The following TNNI3K variants were observed in gnomAD, a reference collection of about 807,000 sequenced individuals.
TNNI3K encodes the protein TNNI3 interacting kinase, also known as serine/threonine-protein kinase TNNI3K.
TNNI3K carries 140 observed loss-of-function variants against 114.5 expected under a neutral mutation model. The observed-to-expected ratio is 1.22, with a 90% confidence interval of 1.07 to 1.41. TNNI3K has a LOEUF of 1.41. Ranked by LOEUF, TNNI3K falls within the 40% of genes most tolerant of loss-of-function variation. The pLI is 0.00. For synonymous variants in TNNI3K, 347 were observed against 347.5 expected (o/e 1.00, Z 0.02); for missense variants, 1,125 against 1,007.6 (o/e 1.12, Z -1.58).
chr1:74,397,629 G>C (rs1274279812), intron 17 of TNNI3K, among the ~76,000 whole-genome samples: 1 of 152,036 alleles, frequency 6.6e-6, no homozygotes, highest in Admixed American at 6.5e-5. Flanking sequence ...AAATGAGGAG[G>C]CATCAAACCA....
chr1:74,417,698 G>T (rs1016858744), intron 17 of TNNI3K, among the ~76,000 whole-genome samples: 4 of 27,986 alleles, frequency 1.4e-4, no homozygotes, highest in Non-Finnish European at 4.3e-4. Context: ...GTGTGTGTGT[G>T]TGTGTGTGTG....
intron 16 of TNNI3K, 79 bp downstream of exon 16, chr1:74,369,664 G>A: frequency 7.0e-7 from 1 of 1,434,370 alleles, no homozygotes; most frequent in Non-Finnish European, 9.2e-7. Context: ...GTTTCCCATT[G>A]GATGAGCCTT....
At chr1:74,377,839 G>A (rs907171981) in intron 17 of TNNI3K, among the ~76,000 whole-genome samples, 1 of 152,008 alleles carries the variant, frequency 6.6e-6, no homozygotes, top group African/African-American at 2.4e-5. Context: ...TAGATCTTTG[G>A]ACCTATTCTG....
intron 5 of TNNI3K, among the ~76,000 whole-genome samples, chr1:74,275,122 G>C (rs536734152): frequency 1.3e-5 from 2 of 152,084 alleles, no homozygotes; most frequent in Admixed American, 1.3e-4. Context: ...AGTTCAGTGA[G>C]GATAGAGATT....
At chr1:74,383,678 G>A (rs1162294421) in intron 17 of TNNI3K, among the ~76,000 whole-genome samples, 2 of 151,946 alleles carry the variant, frequency 1.3e-5, no homozygotes, top group Non-Finnish European at 2.9e-5. Context: ...TTTATTCTCA[G>A]TGCTTTGTAC....
intron 23 of TNNI3K, among the ~76,000 whole-genome samples, chr1:74,534,704 G>A (rs1340220617): frequency 6.6e-6 from 1 of 150,648 alleles, no homozygotes; most frequent in African/African-American, 2.4e-5. Flanking sequence ...TATCTTGTAA[G>A]CATTGCAACA....
intron 23 of TNNI3K, among the ~76,000 whole-genome samples, chr1:74,526,795 C>T (rs12117059): frequency 2.0e-5 from 3 of 152,124 alleles, no homozygotes; most frequent in East Asian, 1.9e-4. Flanking sequence ...GAGAGCAACA[C>T]GTATAGGACT....
At chr1:74,272,702 T>C (rs1360251282) in intron 5 of TNNI3K, among the ~76,000 whole-genome samples, 1 of 151,944 alleles carries the variant, frequency 6.6e-6, no homozygotes, top group African/African-American at 2.4e-5. Flanking sequence ...AAATTTAAAG[T>C]ATTAATTTTA....
chr1:74,507,890 T>A (rs1669985768), intron 23 of TNNI3K, among the ~76,000 whole-genome samples: 1 of 152,212 alleles, frequency 6.6e-6, no homozygotes, highest in Admixed American at 6.5e-5. Context: ...TAGTCAGGTG[T>A]TCATTCAACA....
At chr1:74,345,161 A>G (rs1420605053) in intron 9 of TNNI3K, among the ~76,000 whole-genome samples, 2 of 152,142 alleles carry the variant, frequency 1.3e-5, no homozygotes, top group African/African-American at 4.8e-5. Context: ...ATGAATCAAT[A>G]TTAAATGTGT....
At chr1:74,401,708 A>G (rs1230957514) in intron 17 of TNNI3K, 5 of 370,118 alleles carry the variant, frequency 1.4e-5, no homozygotes, top group Middle Eastern at 4.0e-4. Flanking sequence ...CAGAGAAAAT[A>G]ACAGAAGAAA....
At position 74,403,138 on chromosome 1, in the gene TNNI3K, AG is replaced by A. The variant is rs200593408; in HGVS notation, c.1772+32748del. Among the ~76,000 whole-genome samples, 81 of 152,294 alleles carry A rather than the reference AG, an allele frequency of 5.3e-4. No homozygotes were observed. The East Asian group carries it at 0.012, about 23-fold the overall frequency. On this transcript the variant is annotated intron_variant, in intron 17 of 24. Transcript: ENST00000326637. Reference sequence around the variant, plus strand: ...TGGGTATTTTATTTAGGAATGCAATAGGAAGATTTCCAAAGAGAAAAAGTGA... The same window carrying A: ...TGGGTATTTTATTTAGGAATGCAATAGAAGATTTCCAAAGAGAAAAAGTGA...
intron 17 of TNNI3K, chr1:74,418,274 C>G: frequency 2.5e-6 from 1 of 406,804 alleles, no homozygotes; most frequent in Admixed American, 2.9e-5. Context: ...CATCTCAGTT[C>G]CTAACGAATG....
intron 19 of TNNI3K, among the ~76,000 whole-genome samples, chr1:74,438,106 T>G (rs1369973778): frequency 1.3e-5 from 2 of 151,798 alleles, no homozygotes; most frequent in Non-Finnish European, 2.9e-5. Flanking sequence ...ATAAGAGAGT[T>G]AATTTGAAAT....
intron 6 of TNNI3K, among the ~76,000 whole-genome samples, chr1:74,331,882 A>G (rs1660222408): frequency 6.6e-6 from 1 of 152,146 alleles, no homozygotes; most frequent in South Asian, 2.1e-4. Context: ...TTATTCACCT[A>G]TAAAATGGGG....
intron 21 of TNNI3K, chr1:74,469,946 C>A (rs1667842838): frequency 2.5e-6 from 1 of 400,546 alleles, no homozygotes; most frequent in Admixed American, 4.4e-5. Context: ...GGTTTTGGAG[C>A]AGAGTTTTCA....
intron 5 of TNNI3K, among the ~76,000 whole-genome samples, chr1:74,295,453 C>T (rs1313736773): frequency 6.6e-6 from 1 of 152,096 alleles, no homozygotes; most frequent in African/African-American, 2.4e-5. Flanking sequence ...TTGCTTTAAA[C>T]TCTCCCACTA....
At chr1:74,296,273 C>CA (rs35316333) in intron 5 of TNNI3K, among the ~76,000 whole-genome samples, 3,258 of 118,986 alleles carry the variant, frequency 0.027, 79 homozygotes, top group African/African-American at 0.072. Flanking sequence ...AAGACTCCGT[C>CA]AAAAAAAAAA....
chr1:74,324,483 G>A (rs1481581565), intron 5 of TNNI3K, among the ~76,000 whole-genome samples: 3 of 152,158 alleles, frequency 2.0e-5, no homozygotes, highest in South Asian at 2.1e-4. Flanking sequence ...GACTTTCTGC[G>A]GCGGGAAGGA....
Sources: gnomAD v4.1 joint callset for allele counts (sites outside exome capture counted in the v4.1 genomes callset) on GRCh38, gnomAD v4.1.1 for gene constraint, MANE v1.5 for transcripts, NCBI Gene and HGNC (gene_info 2026-07-23, HGNC 2026-07-21) for gene names.